The following TDRD3 variants were observed in gnomAD, a reference collection of about 807,000 sequenced individuals.
The protein encoded by TDRD3 is tudor domain-containing protein 3.
Under a neutral mutation model 86.7 loss-of-function variants are expected in TDRD3, and 45 were observed. That is an observed-to-expected ratio of 0.52 (90% CI 0.41 to 0.67). TDRD3 has a LOEUF of 0.67. TDRD3 is among the 30% of genes least tolerant of loss of function. TDRD3 has a pLI of 0.00. For missense variants in TDRD3, 814 were observed against 889.0 expected, an observed-to-expected ratio of 0.92 and a Z score of 1.07; for synonymous variants, 298 against 301.7, an observed-to-expected ratio of 0.99 and a Z score of 0.13.
At chr13:60,488,236 G>GT (rs1391462360) in intron 7 of TDRD3, among the ~76,000 whole-genome samples, 1 of 152,144 alleles carries the variant, frequency 6.6e-6, no homozygotes, top group African/African-American at 2.4e-5. Flanking sequence ...AACTAAGGAG[G>GT]GGTAAGGAAG....
intron 7 of TDRD3, among the ~76,000 whole-genome samples, chr13:60,492,950 G>A (rs1166792922): frequency 8.3e-6 from 1 of 119,958 alleles, no homozygotes; most frequent in Non-Finnish European, 1.6e-5. Flanking sequence ...ACGGAGTCTC[G>A]CTGTATCTCC....
At chr13:60,457,873 G>A (rs1002332330) in intron 3 of TDRD3, among the ~76,000 whole-genome samples, 1 of 152,110 alleles carries the variant, frequency 6.6e-6, no homozygotes, top group African/African-American at 2.4e-5. Flanking sequence ...CTCTGTCTGT[G>A]TTTGTTTCCC....
chr13:60,520,741 C>A (rs987794362), intron 10 of TDRD3, among the ~76,000 whole-genome samples: 1 of 152,200 alleles, frequency 6.6e-6, no homozygotes, highest in Non-Finnish European at 1.5e-5. Context: ...ACACCACCAG[C>A]AGTTGATGCT....
intron 1 of TDRD3, among the ~76,000 whole-genome samples, chr13:60,437,557 G>T (rs933483064): frequency 2.0e-5 from 3 of 151,688 alleles, no homozygotes; most frequent in African/African-American, 7.3e-5. Context: ...TCCTTCATCT[G>T]TAAAGTTGAA....
At chr13:60,514,297 C>T (rs1387809745) in intron 10 of TDRD3, among the ~76,000 whole-genome samples, 1 of 152,152 alleles carries the variant, frequency 6.6e-6, no homozygotes, top group Non-Finnish European at 1.5e-5. Flanking sequence ...CAAGATGTGA[C>T]CTGGTTGCTG....
At chr13:60,443,336 A>G (rs1666876428) in intron 2 of TDRD3, among the ~76,000 whole-genome samples, 1 of 151,978 alleles carries the variant, frequency 6.6e-6, no homozygotes, top group African/African-American at 2.4e-5. Context: ...TACGGTTTAT[A>G]TTTCTTTTAA....
chr13:60,468,412 C>T, intron 5 of TDRD3, among the ~76,000 whole-genome samples: 1 of 152,130 alleles, frequency 6.6e-6, no homozygotes, highest in Non-Finnish European at 1.5e-5. Context: ...AGGTGAAGTA[C>T]TTGTTTCCTT....
intron 10 of TDRD3, among the ~76,000 whole-genome samples, chr13:60,515,894 G>GA (rs1957157410): frequency 6.6e-6 from 1 of 152,170 alleles, no homozygotes; most frequent in African/African-American, 2.4e-5. Flanking sequence ...ATTGATGGGA[G>GA]AAAATGTTGG....
chr13:60,517,993 G>A (rs755056518), intron 10 of TDRD3, among the ~76,000 whole-genome samples: 28 of 152,334 alleles, frequency 1.8e-4, no homozygotes, highest in Non-Finnish European at 3.5e-4. Context: ...ACTACAGTAA[G>A]TTTGAAATGT....
chr13:60,542,117 A>AGG (rs1957832048), intron 12 of TDRD3, among the ~76,000 whole-genome samples: 1 of 152,010 alleles, frequency 6.6e-6, no homozygotes, highest in African/African-American at 2.4e-5. Context: ...TTTCCCTTTG[A>AGG]TACTTATGGT....
chr13:60,407,815 A>G (rs890816969), intron 1 of TDRD3, among the ~76,000 whole-genome samples: 2 of 152,086 alleles, frequency 1.3e-5, no homozygotes, highest in African/African-American at 2.4e-5. Flanking sequence ...CACTTCAGTG[A>G]TATGGTGTGG....
rs534620134 is a variant in TDRD3, at chr13:60,475,447, A to G, written c.495+8068A>G. Among the ~76,000 whole-genome samples, 4 of 152,332 alleles carry G rather than the reference A, an allele frequency of 2.6e-5. 1 individual carries two copies. The South Asian group carries it at 8.3e-4, about 32-fold the overall frequency. On this transcript the variant is annotated intron_variant, in intron 5 of 13. Transcript: ENST00000377881. ...ATTTCATTCTTATTTATGGCTGTGT[A>G]GTATTCTATCATGTATATCTACCAC...
chr13:60,526,567 A>AAC (rs1211289078), intron 10 of TDRD3, among the ~76,000 whole-genome samples: 2 of 152,102 alleles, frequency 1.3e-5, no homozygotes, highest in Non-Finnish European at 2.9e-5. Context: ...TGCATTTGTT[A>AAC]AAATAAGACA....
chr13:60,398,681 T>A (rs1380658417), intron 1 of TDRD3, among the ~76,000 whole-genome samples: 5 of 152,248 alleles, frequency 3.3e-5, no homozygotes, highest in African/African-American at 1.2e-4. Context: ...CAAAATGACA[T>A]AGCTAGAAAG....
chr13:60,419,261 T>C (rs535870231), intron 1 of TDRD3, among the ~76,000 whole-genome samples: 1 of 152,360 alleles, frequency 6.6e-6, no homozygotes, highest in East Asian at 1.9e-4. Context: ...TGTGAAATGG[T>C]ATCTCATTGT....
chr13:60,525,996 G>A (rs571639749), intron 10 of TDRD3, among the ~76,000 whole-genome samples: 2 of 152,210 alleles, frequency 1.3e-5, no homozygotes, highest in East Asian at 3.9e-4. Flanking sequence ...TAGAAGAATT[G>A]AAATCAAATT....
chr13:60,431,424 C>G (rs2137917557), intron 1 of TDRD3, among the ~76,000 whole-genome samples: 1 of 151,956 alleles, frequency 6.6e-6, no homozygotes, highest in South Asian at 2.1e-4. Flanking sequence ...CTTTTGAATA[C>G]TGTTAAATTA....
At chr13:60,459,397 A>ACAAAATTTT (rs1955753801) in intron 3 of TDRD3, among the ~76,000 whole-genome samples, 1 of 152,204 alleles carries the variant, frequency 6.6e-6, no homozygotes, top group Non-Finnish European at 1.5e-5. Flanking sequence ...CTTTGCTCTA[A>ACAAAATTTT]GTATATTTGT....
At chr13:60,494,968 G>A (rs1282271480) in intron 8 of TDRD3, among the ~76,000 whole-genome samples, 1 of 152,158 alleles carries the variant, frequency 6.6e-6, no homozygotes, top group Non-Finnish European at 1.5e-5. Context: ...ACAAGCATAT[G>A]TATTATGTGG....
Sources: allele counts gnomAD v4.1 joint callset (sites outside exome capture counted in the v4.1 genomes callset), GRCh38; gene constraint gnomAD v4.1.1; transcripts MANE v1.5; gene names NCBI Gene and HGNC (gene_info 2026-07-23, HGNC 2026-07-21).